The following ENOX1 variants were observed in gnomAD, a reference collection of about 807,000 sequenced individuals.
ENOX1 encodes the protein ecto-NOX disulfide-thiol exchanger 1, also known as candidate growth-related and time keeping constitutive hydroquinone (NADH) oxidase.
A neutral mutation model predicts 82.5 loss-of-function variants in ENOX1; 42 were observed. That is an observed-to-expected ratio of 0.51 (90% CI 0.40 to 0.66). The LOEUF (loss-of-function observed/expected upper bound fraction) is 0.66, where lower values mean the gene tolerates loss of function less well. Among genes scored for constraint, ENOX1 ranks in the 30% least tolerant of loss-of-function variants. ENOX1 has a pLI of 0.00. For synonymous variants in ENOX1, 271 were observed against 282.2 expected, an observed-to-expected ratio of 0.96 and a Z score of 0.40; for missense variants, 608 against 811.6, an observed-to-expected ratio of 0.75 and a Z score of 3.05.
At chr13:43,342,111 T>A (rs149257653) in intron 9 of ENOX1, among the ~76,000 whole-genome samples, 2 of 152,232 alleles carry the variant, frequency 1.3e-5, no homozygotes, top group East Asian at 1.9e-4. Flanking sequence ...ACTGGACCAG[T>A]ACCAACAAAC....
chr13:43,255,165 A>G (rs1441309615), intron 14 of ENOX1, among the ~76,000 whole-genome samples: 1 of 152,214 alleles, frequency 6.6e-6, no homozygotes, highest in Non-Finnish European at 1.5e-5. Context: ...AAAGTGGTAC[A>G]TCACATTAAC....
chr13:43,362,651 A>T (rs895930633), intron 5 of ENOX1, among the ~76,000 whole-genome samples: 1 of 152,024 alleles, frequency 6.6e-6, no homozygotes, highest in Admixed American at 6.5e-5. Flanking sequence ...GAAAGGCTGG[A>T]GGAGCCCAGA....
chr13:43,422,063 G>A (rs1305706935), intron 3 of ENOX1, among the ~76,000 whole-genome samples: 1 of 151,816 alleles, frequency 6.6e-6, no homozygotes, highest in Non-Finnish European at 1.5e-5. Flanking sequence ...AACACAATGA[G>A]GGTGGAGGGA....
intron 9 of ENOX1, among the ~76,000 whole-genome samples, chr13:43,333,293 C>T (rs964243721): frequency 7.9e-5 from 12 of 152,310 alleles, no homozygotes; most frequent in African/African-American, 2.4e-4. Context: ...CAGTTTGTTT[C>T]TCTTACCCTT....
intron 1 of ENOX1, among the ~76,000 whole-genome samples, chr13:43,754,272 CACATATAT>C (rs1356967987): frequency 6.8e-6 from 1 of 147,222 alleles, no homozygotes; most frequent in Non-Finnish European, 1.5e-5. Context: ...TATACACACA[CACATATAT>C]ACATATATAC....
At chr13:43,470,216 ATGTGTGTGTATGTG>A (rs1432658395) in intron 3 of ENOX1, among the ~76,000 whole-genome samples, 5 of 95,424 alleles carry the variant, frequency 5.2e-5, no homozygotes, top group African/African-American at 1.0e-4. Flanking sequence ...GTATATATAT[ATGTGTGTGTATGTG>A]TGTGTGTGTA....
chr13:43,279,137 A>T (rs768690680), intron 12 of ENOX1, among the ~76,000 whole-genome samples: 6 of 152,298 alleles, frequency 3.9e-5, no homozygotes, highest in African/African-American at 9.6e-5. Context: ...CTTTGCTTGA[A>T]TGTACCCCTG....
intron 11 of ENOX1, among the ~76,000 whole-genome samples, chr13:43,299,290 G>A (rs56411317): frequency 0.28 from 43,000 of 151,970 alleles, 8,084 homozygotes; most frequent in Middle Eastern, 0.42. Context: ...AGCCGAAACT[G>A]AAAAAGAAAC....
At chr13:43,590,775 C>A (rs1475327709) in intron 2 of ENOX1, among the ~76,000 whole-genome samples, 238 of 130,564 alleles carry the variant, frequency 1.8e-3, no homozygotes, top group Admixed American at 2.1e-3. Context: ...AACTTCATCT[C>A]AAAAAAAAAA....
chr13:43,739,608 G>A (rs1029966367), intron 1 of ENOX1, among the ~76,000 whole-genome samples: 5 of 151,192 alleles, frequency 3.3e-5, no homozygotes, highest in South Asian at 4.2e-4. Flanking sequence ...ATATATAAAC[G>A]TGTGTGGGAG....
intron 2 of ENOX1, among the ~76,000 whole-genome samples, chr13:43,616,640 T>C (rs148980719): frequency 5.1e-4 from 78 of 152,290 alleles, no homozygotes; most frequent in African/African-American, 1.8e-3. Context: ...TAAGAAAAAC[T>C]GTTTGTAATG....
intron 5 of ENOX1, among the ~76,000 whole-genome samples, chr13:43,392,351 A>C (rs977059267): frequency 2.0e-5 from 3 of 152,170 alleles, no homozygotes; most frequent in Non-Finnish European, 4.4e-5. Context: ...TAAATATGGG[A>C]GTGAAGGAGG....
At chr13:43,304,575 G>C (rs1406423746) in intron 11 of ENOX1, among the ~76,000 whole-genome samples, 1 of 152,184 alleles carries the variant, frequency 6.6e-6, no homozygotes, top group Non-Finnish European at 1.5e-5. Context: ...TTCTGCTGGA[G>C]AGAGACTCTG....
At chr13:43,570,888 C>T (rs2080148648) in intron 2 of ENOX1, among the ~76,000 whole-genome samples, 1 of 152,148 alleles carries the variant, frequency 6.6e-6, no homozygotes, top group African/African-American at 2.4e-5. Context: ...GGCAAGATGT[C>T]CCTAGGCAAA....
chr13:43,498,236 T>A (rs2153666163), intron 2 of ENOX1, among the ~76,000 whole-genome samples: 1 of 152,188 alleles, frequency 6.6e-6, no homozygotes, highest in East Asian at 1.9e-4. Flanking sequence ...GGCGGAAATA[T>A]CTTAAACTTT....
rs114120072 is a variant in ENOX1 at position 43,648,080 on chromosome 13, A to C, written c.-219+19399T>G. On this transcript the variant is annotated intron_variant, in intron 2 of 16. Coordinates refer to ENST00000690772, the MANE Select transcript of ENOX1 (RefSeq NM_001347969.2). ...GAACTGTGTTGGACTTCCGACCTGC[A>C]GAACTGTTAAGACTATACATCTGTG... 2.3e-3 allele frequency among the ~76,000 whole-genome samples: 344 copies of C among 152,312 alleles called. 1 individual carries two copies. The highest frequency in any genetic ancestry group is 7.7e-3 in the African/African-American group (321 of 41,572).
At chr13:43,732,073 G>C (rs774298884) in intron 1 of ENOX1, among the ~76,000 whole-genome samples, 29 of 152,178 alleles carry the variant, frequency 1.9e-4, no homozygotes, top group Admixed American at 7.9e-4. Flanking sequence ...CATCTGAAAC[G>C]TGAATATAAT....
chr13:43,625,005 A>G (rs1343507425), intron 2 of ENOX1, among the ~76,000 whole-genome samples: 1 of 152,022 alleles, frequency 6.6e-6, no homozygotes, highest in African/African-American at 2.4e-5. Context: ...CTCCATAAAC[A>G]TGGTATGTCT....
chr13:43,715,441 A>C (rs1303000565), intron 1 of ENOX1, among the ~76,000 whole-genome samples: 1 of 151,058 alleles, frequency 6.6e-6, no homozygotes, highest in Non-Finnish European at 1.5e-5. Context: ...CTCTTCTCGG[A>C]GTATCTTGGA....
Sources: allele counts gnomAD v4.1 joint callset (sites outside exome capture counted in the v4.1 genomes callset), GRCh38; gene constraint gnomAD v4.1.1; transcripts MANE v1.5; gene names NCBI Gene and HGNC (gene_info 2026-07-23, HGNC 2026-07-21).